Variants in OPCML observed in about 807,000 individuals in gnomAD.
OPCML encodes the protein opioid binding protein/cell adhesion molecule like.
Under a neutral mutation model 37.8 loss-of-function variants are expected in OPCML, and 13 were observed. The observed-to-expected ratio is 0.34, with a 90% CI of 0.22 to 0.55. The LOEUF is 0.55. OPCML is among the 20% of genes least tolerant of loss of function. OPCML has a pLI of 0.91. For synonymous variants in OPCML, 176 were observed against 168.8 expected (o/e 1.04, Z -0.33); for missense variants, 341 against 435.6 (o/e 0.78, Z 1.93).
intron 1 of OPCML, chr11:133,025,302 T>C: frequency 4.1e-6 from 4 of 983,838 alleles, no homozygotes; most frequent in Non-Finnish European, 4.8e-6. Context: ...ACAGTCCATT[T>C]TTAATGTTGA....
At chr11:132,715,592 T>C (rs1944441365) in intron 2 of OPCML, among the ~76,000 whole-genome samples, 1 of 152,116 alleles carries the variant, frequency 6.6e-6, no homozygotes, top group Non-Finnish European at 1.5e-5. Context: ...TTAGTGCTTT[T>C]TAAAAAAGAG....
intron 1 of OPCML, among the ~76,000 whole-genome samples, chr11:133,149,004 A>G (rs752869803): frequency 1.1e-4 from 16 of 152,078 alleles, no homozygotes; most frequent in Non-Finnish European, 1.8e-4. Flanking sequence ...GAGTGGAGAA[A>G]AAGTTCCCTC....
At chr11:133,225,690 T>C (rs1272977934) in intron 1 of OPCML, among the ~76,000 whole-genome samples, 1 of 152,186 alleles carries the variant, frequency 6.6e-6, no homozygotes, top group African/African-American at 2.4e-5. Context: ...AGCCCAGGAC[T>C]TATCCGCACT....
At chr11:132,435,069 A>G in intron 7 of OPCML, 1 of 667,828 alleles carries the variant, frequency 1.5e-6, no homozygotes, top group African/African-American at 1.9e-5. Context: ...TACAGAGGTG[A>G]AGCAGGCAAG....
At chr11:132,487,405 A>G (rs2096203293) in intron 4 of OPCML, among the ~76,000 whole-genome samples, 1 of 152,154 alleles carries the variant, frequency 6.6e-6, no homozygotes, top group South Asian at 2.1e-4. Context: ...CCATGGGCCA[A>G]CCCACTTTTC....
intron 2 of OPCML, among the ~76,000 whole-genome samples, chr11:132,715,975 TTA>T (rs1402133752): frequency 1.3e-5 from 2 of 152,182 alleles, no homozygotes; most frequent in Admixed American, 1.3e-4. Flanking sequence ...CCAAACAAAT[TTA>T]TGTTTCTTAG....
At chr11:133,115,858 A>G (rs912199013) in intron 1 of OPCML, among the ~76,000 whole-genome samples, 21 of 116,936 alleles carry the variant, frequency 1.8e-4, no homozygotes, top group African/African-American at 6.5e-4. Flanking sequence ...ACTTCCTTAT[A>G]TAAGTAATTG....
At chr11:133,231,330 CA>C (rs1390531585) in intron 1 of OPCML, among the ~76,000 whole-genome samples, 1 of 152,094 alleles carries the variant, frequency 6.6e-6, no homozygotes, top group Non-Finnish European at 1.5e-5. Flanking sequence ...CCCTGTACCC[CA>C]AAACCCAAGA....
At chr11:132,875,156 C>T (rs1942962152) in intron 2 of OPCML, among the ~76,000 whole-genome samples, 1 of 152,114 alleles carries the variant, frequency 6.6e-6, no homozygotes, top group South Asian at 2.1e-4. Context: ...TAATTTGCTT[C>T]ATGTAAAGTA....
chr11:133,139,165 C>A (rs1206685772), intron 1 of OPCML, among the ~76,000 whole-genome samples: 1 of 152,168 alleles, frequency 6.6e-6, no homozygotes, highest in Non-Finnish European at 1.5e-5. Context: ...TGCTGCTACA[C>A]TAATAATTAA....
intron 1 of OPCML, among the ~76,000 whole-genome samples, chr11:133,443,512 G>A (rs1001284671): frequency 2.6e-5 from 4 of 152,280 alleles, no homozygotes; most frequent in East Asian, 1.9e-4. Context: ...TGAAACATGC[G>A]CAGCATTGCT....
chr11:133,403,890 A>G (rs1945464231), intron 1 of OPCML, among the ~76,000 whole-genome samples: 1 of 152,224 alleles, frequency 6.6e-6, no homozygotes, highest in African/African-American at 2.4e-5. Context: ...CTACCTTCCA[A>G]GCACTCTCCT....
intron 3 of OPCML, among the ~76,000 whole-genome samples, chr11:132,619,111 C>A (rs779041887): frequency 3.9e-5 from 6 of 152,072 alleles, no homozygotes; most frequent in Non-Finnish European, 7.4e-5. Flanking sequence ...TTAACCTGAT[C>A]TAAAAACACC....
intron 2 of OPCML, among the ~76,000 whole-genome samples, chr11:132,661,057 C>T (rs944877429): frequency 6.6e-6 from 1 of 152,052 alleles, no homozygotes; most frequent in Admixed American, 6.6e-5. Context: ...TAAGGGTGGA[C>T]TTTGAAAAAG....
At chr11:133,234,056 T>C (rs1940406510) in intron 1 of OPCML, among the ~76,000 whole-genome samples, 1 of 152,120 alleles carries the variant, frequency 6.6e-6, no homozygotes, top group South Asian at 2.1e-4. Context: ...ATTGGAGAAG[T>C]CATAAAATAG....
chr11:132,981,351 G>C (rs1946579287), intron 1 of OPCML, among the ~76,000 whole-genome samples: 1 of 152,156 alleles, frequency 6.6e-6, no homozygotes, highest in Non-Finnish European at 1.5e-5. Context: ...GGTGACAGGG[G>C]CCCACTCTGC....
At position 133,281,816 on chromosome 11, in the gene OPCML, C is replaced by T. The variant is rs632285; in HGVS notation, c.61+250448G>A. ...TCTCGGGTGGAAATAATGAACTTAT[C>T]GGAAACTGCTGTAAAGGTCACCCTT... On this transcript the variant is annotated intron_variant, in intron 1 of 7. Transcript: ENST00000524381. Among the ~76,000 whole-genome samples, 12 of 152,056 alleles carry T rather than the reference C, an allele frequency of 7.9e-5. No homozygotes were observed. The East Asian group carries it at 1.6e-3, about 20-fold the overall frequency.
intron 1 of OPCML, among the ~76,000 whole-genome samples, chr11:133,135,173 T>G (rs146085182): frequency 6.6e-6 from 1 of 152,326 alleles, no homozygotes; most frequent in East Asian, 1.9e-4. Flanking sequence ...GCCTCTCATT[T>G]GATGGTATAT....
chr11:133,119,219 G>A (rs1949383768), intron 1 of OPCML, among the ~76,000 whole-genome samples: 1 of 151,978 alleles, frequency 6.6e-6, no homozygotes, highest in Non-Finnish European at 1.5e-5. Flanking sequence ...GGCTGAGAGG[G>A]CTCAGGCACA....
Sources: allele counts gnomAD v4.1 joint callset (sites outside exome capture counted in the v4.1 genomes callset), GRCh38; gene constraint gnomAD v4.1.1; transcripts MANE v1.5; gene names NCBI Gene and HGNC (gene_info 2026-07-23, HGNC 2026-07-21).